ARHGAP24: variants seen among roughly 807,000 people sequenced by gnomAD.
ARHGAP24 encodes Rho GTPase activating protein 24, also known as rho GTPase-activating protein 24.
A neutral mutation model predicts 76.4 loss-of-function variants in ARHGAP24; 50 were observed. That is an observed-to-expected ratio of 0.65 (90% CI 0.52 to 0.83). ARHGAP24 has a LOEUF of 0.83. Among genes scored for constraint, ARHGAP24 ranks in the 40% least tolerant of loss-of-function variants. The pLI, the probability that ARHGAP24 is intolerant of heterozygous loss-of-function variation, is 0.00. For missense variants in ARHGAP24, 930 were observed against 914.2 expected, an observed-to-expected ratio of 1.02 and a Z score of -0.22; for synonymous variants, 345 against 323.3, an observed-to-expected ratio of 1.07 and a Z score of -0.72.
At chr4:85,551,385 A>G (rs6820735) in intron 1 of ARHGAP24, among the ~76,000 whole-genome samples, 139,033 of 152,062 alleles carry the variant, frequency 0.91, 64,762 homozygotes, top group East Asian at 1. Flanking sequence ...AGCCTACTTG[A>G]TCATGGTGGA....
chr4:85,645,781 G>T (rs558541020), intron 2 of ARHGAP24, among the ~76,000 whole-genome samples: 94 of 152,140 alleles, frequency 6.2e-4, no homozygotes, highest in African/African-American at 2.2e-3. Context: ...TGATAATCCA[G>T]CTGAGAGCTT....
At chr4:85,711,397 C>T (rs941824791) in intron 2 of ARHGAP24, among the ~76,000 whole-genome samples, 11 of 152,170 alleles carry the variant, frequency 7.2e-5, no homozygotes, top group Admixed American at 2.6e-4. Flanking sequence ...AACCTTATAG[C>T]GAAAGTATTA....
intron 1 of ARHGAP24, among the ~76,000 whole-genome samples, chr4:85,526,996 C>T (rs1347458394): frequency 6.6e-6 from 1 of 152,106 alleles, no homozygotes; most frequent in Non-Finnish European, 1.5e-5. Context: ...TTAAAGTCTA[C>T]TCACTGCTTT....
At chr4:85,649,948 C>G (rs1034824668) in intron 2 of ARHGAP24, among the ~76,000 whole-genome samples, 1 of 151,994 alleles carries the variant, frequency 6.6e-6, no homozygotes, top group African/African-American at 2.4e-5. Flanking sequence ...TTAGAGATAT[C>G]AAGGTAGTCA....
At chr4:85,587,250 T>G (rs1179014690) in intron 2 of ARHGAP24, among the ~76,000 whole-genome samples, 1 of 152,132 alleles carries the variant, frequency 6.6e-6, no homozygotes, top group African/African-American at 2.4e-5. Context: ...CAGAGGTAAA[T>G]TAATACAGAG....
At chr4:85,776,867 A>T (rs1727327454) in intron 3 of ARHGAP24, among the ~76,000 whole-genome samples, 1 of 152,166 alleles carries the variant, frequency 6.6e-6, no homozygotes, top group Non-Finnish European at 1.5e-5. Flanking sequence ...TTTCTAATGG[A>T]CTAAAGGTAA....
chr4:85,646,566 C>G (rs1485414626), intron 2 of ARHGAP24, among the ~76,000 whole-genome samples: 1 of 151,972 alleles, frequency 6.6e-6, no homozygotes. Context: ...AGTCATTTTT[C>G]AAAGATGCAC....
intron 8 of ARHGAP24, among the ~76,000 whole-genome samples, chr4:85,981,359 G>A (rs1338445065): frequency 1.3e-5 from 2 of 152,192 alleles, no homozygotes; most frequent in Non-Finnish European, 2.9e-5. Context: ...AAAACCTTGA[G>A]CTTGACAGCT....
chr4:85,582,513 G>A (rs2109973172), intron 2 of ARHGAP24, among the ~76,000 whole-genome samples: 1 of 152,228 alleles, frequency 6.6e-6, no homozygotes, highest in Non-Finnish European at 1.5e-5. Context: ...CAAAACGCAT[G>A]AGATAGAAAA....
intron 3 of ARHGAP24, among the ~76,000 whole-genome samples, chr4:85,908,861 GA>G (rs1160037633): frequency 2.5e-3 from 335 of 136,234 alleles, no homozygotes; most frequent in Middle Eastern, 3.7e-3. Context: ...TAATTAAAAA[GA>G]AAAAAAAAAA....
intron 4 of ARHGAP24, among the ~76,000 whole-genome samples, chr4:85,933,155 C>T (rs1736445608): frequency 1.3e-5 from 2 of 151,944 alleles, no homozygotes; most frequent in African/African-American, 4.8e-5. Context: ...CAAGCCTGTC[C>T]GAGAACATCA....
At chr4:85,664,059 TTG>T (rs1560575202) in intron 2 of ARHGAP24, among the ~76,000 whole-genome samples, 1 of 151,206 alleles carries the variant, frequency 6.6e-6, no homozygotes, top group Admixed American at 6.6e-5. Context: ...GGATTCCCTA[TTG>T]ATTGGAATAG....
At chr4:85,972,289 T>C in intron 6 of ARHGAP24, 121 bp downstream of exon 6, 1 of 1,306,380 alleles carries the variant, frequency 7.7e-7, no homozygotes, top group South Asian at 1.2e-5. Context: ...ATCCTTTGAA[T>C]TGACCTCACA....
intron 3 of ARHGAP24, among the ~76,000 whole-genome samples, chr4:85,758,072 G>C (rs1278068841): frequency 1.3e-5 from 2 of 151,034 alleles, no homozygotes; most frequent in East Asian, 4.0e-4. Flanking sequence ...GGAAAAAAAA[G>C]CCTAATGGTT....
At chr4:85,577,358 G>T (rs1727423703) in intron 2 of ARHGAP24, among the ~76,000 whole-genome samples, 1 of 152,034 alleles carries the variant, frequency 6.6e-6, no homozygotes, top group South Asian at 2.1e-4. Context: ...AGAAACCTAG[G>T]CTTCCAGTGA....
chr4:85,750,493 T>C (rs963775866), intron 3 of ARHGAP24, among the ~76,000 whole-genome samples: 10 of 95,500 alleles, frequency 1.0e-4, no homozygotes, highest in Admixed American at 2.7e-4. Flanking sequence ...TCCTTTTTTT[T>C]TTTTTTTTTT....
chr4:85,702,141 C>T (rs1248721047), intron 2 of ARHGAP24, among the ~76,000 whole-genome samples: 11 of 152,094 alleles, frequency 7.2e-5, no homozygotes, highest in Admixed American at 6.6e-4. Context: ...ATAATATATA[C>T]ACCCACACAT....
chr4:85,538,408 C>CA (rs1325572148), intron 1 of ARHGAP24, among the ~76,000 whole-genome samples: 1 of 151,992 alleles, frequency 6.6e-6, no homozygotes. Flanking sequence ...TTTTTGCATG[C>CA]AAAACCCTAT....
chr4:85,597,629 CT>C (rs5859986), intron 2 of ARHGAP24, among the ~76,000 whole-genome samples: 136,053 of 148,974 alleles, frequency 0.91, 62,146 homozygotes, highest in East Asian at 0.97. Flanking sequence ...AGGGCAGCAA[CT>C]TTTTTTTTTT....
Sources: allele counts gnomAD v4.1 joint callset (sites outside exome capture counted in the v4.1 genomes callset), GRCh38; gene constraint gnomAD v4.1.1; transcripts MANE v1.5; gene names NCBI Gene and HGNC (gene_info 2026-07-23, HGNC 2026-07-21).